The following FRMD7 variants were observed in gnomAD, a reference collection of about 807,000 sequenced individuals.
FRMD7 encodes the protein FERM domain containing 7, also known as FERM domain-containing protein 7.
FRMD7 carries 14 observed loss-of-function variants against 44.1 expected under a neutral mutation model. The ratio of observed to expected loss-of-function variants is 0.32; its 90% confidence interval spans 0.21 to 0.50. The LOEUF is 0.50. Among genes scored for constraint, FRMD7 ranks in the 20% least tolerant of loss-of-function variants. FRMD7 has a pLI of 0.99. For missense variants in FRMD7, 501 were observed against 522.3 expected (o/e 0.96, Z 0.40); for synonymous variants, 212 against 187.4 (o/e 1.13, Z -1.07).
At chrX:132,100,791 G>T in intron 1 of FRMD7, 75 bp from the exon 2 acceptor site, 1 of 711,472 alleles carries the variant, frequency 1.4e-6, no homozygotes, top group Non-Finnish European at 2.2e-6. Flanking sequence ...AAGGGTAGAA[G>T]CCACAAGACT....
At chrX:132,092,065 A>G (rs1205628562) in intron 5 of FRMD7, among the ~76,000 whole-genome samples, 2 of 111,682 alleles carry the variant, frequency 1.8e-5, no homozygotes, top group Non-Finnish European at 3.8e-5. Flanking sequence ...CCACAAGGGC[A>G]AGGATTTTTG....
chrX:132,122,231 A>G (rs746861751), intron 1 of FRMD7, among the ~76,000 whole-genome samples: 2 of 111,898 alleles, frequency 1.8e-5, no homozygotes, highest in South Asian at 7.5e-4. Flanking sequence ...CATGACAATG[A>G]TCTCATGAGG....
chrX:132,107,205 C>T (rs1158287252), intron 1 of FRMD7, among the ~76,000 whole-genome samples: 1 of 111,556 alleles, frequency 9.0e-6, no homozygotes, highest in Non-Finnish European at 1.9e-5. Flanking sequence ...GTTATATTTT[C>T]CAGAGAAATA....
intron 4 of FRMD7, among the ~76,000 whole-genome samples, chrX:132,095,025 A>G (rs1205573506): frequency 9.2e-6 from 1 of 109,220 alleles, no homozygotes; most frequent in African/African-American, 3.3e-5. Flanking sequence ...ACCACTAATT[A>G]CCTTCTTCCA....
intron 1 of FRMD7, among the ~76,000 whole-genome samples, chrX:132,102,783 T>A (rs1928538332): frequency 8.9e-6 from 1 of 112,098 alleles, no homozygotes; most frequent in Admixed American, 9.4e-5. Flanking sequence ...TTTTCCTTTC[T>A]CCTTTTCATA....
At chrX:132,095,825 T>C (rs1459169906) in intron 4 of FRMD7, among the ~76,000 whole-genome samples, 1 of 112,510 alleles carries the variant, frequency 8.9e-6, no homozygotes, top group Non-Finnish European at 1.9e-5. Context: ...TCAAATATAG[T>C]TGTCAATGAG....
At chrX:132,126,399 A>G (rs182112391) in intron 1 of FRMD7, among the ~76,000 whole-genome samples, 301 of 111,789 alleles carry the variant, frequency 2.7e-3, no homozygotes, top group Admixed American at 0.013. Flanking sequence ...AAGCCAAATC[A>G]AGTCTTCTAG....
rs1389933634 is a variant in FRMD7, at chrX:132,111,062, T to C, written c.58-10346A>G. 2.7e-5 allele frequency among the ~76,000 whole-genome samples: 3 copies of C among 111,153 alleles called. No homozygotes were observed. The East Asian group carries it at 8.5e-4, about 32-fold the overall frequency. On this transcript the variant is annotated intron_variant, in intron 1 of 11. Coordinates refer to ENST00000298542, the MANE Select transcript of FRMD7 (RefSeq NM_194277.3). The stretch of plus-strand genomic sequence containing the variant: ...AGCTGGACATGGTGGTGCATCCCTG[T>C]AGTCCCAGTGACTCAGGAGGCTGAG...
chrX:132,102,972 A>G (rs1199756031), intron 1 of FRMD7, among the ~76,000 whole-genome samples: 2 of 112,078 alleles, frequency 1.8e-5, no homozygotes, highest in African/African-American at 6.5e-5. Context: ...TGTTTATAAG[A>G]ATAATTCCCT....
chrX:132,108,160 G>T (rs1362676076), intron 1 of FRMD7, among the ~76,000 whole-genome samples: 1 of 111,848 alleles, frequency 8.9e-6, no homozygotes, highest in Non-Finnish European at 1.9e-5. Flanking sequence ...GAAAGAAAAA[G>T]TCACATATTA....
rs1929054430 is a variant in FRMD7 at position 132,122,302 on chromosome X, C to T, written c.57+5486G>A. Among the ~76,000 whole-genome samples, 3 of 112,119 alleles carry T rather than the reference C, an allele frequency of 2.7e-5. No individual in the cohort carries two copies. The Admixed American group carries it at 2.8e-4, about 11-fold the overall frequency. ...GCACATCCTCAGAGAGCTGAAGTGA[C>T]CCACCTGAAGTCTCACACCTTCAAA... On this transcript the variant is annotated intron_variant, in intron 1 of 11. Coordinates refer to ENST00000298542, the MANE Select transcript of FRMD7 (RefSeq NM_194277.3).
intron 1 of FRMD7, among the ~76,000 whole-genome samples, chrX:132,121,323 G>T (rs1022124141): frequency 3.6e-5 from 4 of 111,625 alleles, no homozygotes; most frequent in Non-Finnish European, 5.6e-5. Flanking sequence ...CTTTGGGTAA[G>T]TCAACCTCTC....
At position 132,077,661 on chromosome X, in the gene FRMD7, C is replaced by T; in HGVS notation, c.*211G>A. 2.1e-6 allele frequency: 1 copy of T among 480,537 alleles called. No homozygotes were observed. The highest frequency in any genetic ancestry group is 2.4e-5 in the African/African-American group (1 of 41,729). 39.6% of individuals were successfully genotyped at this position (480,537 alleles called of 1,213,427 possible). A position where few individuals can be genotyped will look rare whatever the true frequency, so the allele number is the denominator to read the frequency against. On this transcript the variant is annotated 3_prime_UTR_variant, in exon 12 of 12. Coordinates refer to ENST00000298542, the MANE Select transcript of FRMD7 (RefSeq NM_194277.3). ...TGCCACAGTGCTGGTGAGGAGAGGG[C>T]ATGTTCTAAAGTCCCTTCAGAGGTA...
At chrX:132,088,685 T>G (rs1222193308) in intron 5 of FRMD7, among the ~76,000 whole-genome samples, 1 of 111,811 alleles carries the variant, frequency 8.9e-6, no homozygotes, top group Admixed American at 9.5e-5. Context: ...GCAATTGTAT[T>G]TATATATACT....
At chrX:132,120,191 G>A (rs1368980207) in intron 1 of FRMD7, among the ~76,000 whole-genome samples, 1 of 112,711 alleles carries the variant, frequency 8.9e-6, no homozygotes, top group African/African-American at 3.2e-5. Flanking sequence ...TTAAAGTTAA[G>A]CCTTTATTAG....
At chrX:132,119,488 C>G (rs1038401734) in intron 1 of FRMD7, among the ~76,000 whole-genome samples, 5 of 111,562 alleles carry the variant, frequency 4.5e-5, no homozygotes, top group Non-Finnish European at 1.9e-5. Context: ...TTTAAGACAA[C>G]TAAGCCCAGC....
chrX:132,118,366 C>T (rs943992374), intron 1 of FRMD7, among the ~76,000 whole-genome samples: 2 of 109,428 alleles, frequency 1.8e-5, no homozygotes, highest in African/African-American at 3.3e-5. Context: ...AATTTAGGCA[C>T]GCAGACGCAT....
chrX:132,103,497 T>TATCTATCC (rs1556024973), intron 1 of FRMD7, among the ~76,000 whole-genome samples: 3 of 107,945 alleles, frequency 2.8e-5, no homozygotes, highest in African/African-American at 1.0e-4. Context: ...TCTATCTATC[T>TATCTATCC]ATCTATCTAT....
In FRMD7 at chrX:132,077,608, G is replaced by A; in HGVS notation, c.*264C>T. ...CAATGTCTCTATGAGGAAGTATGCA[G>A]TGGAGATGACAAATACCCACCTTGC... is the stretch of plus-strand genomic sequence containing the variant. On this transcript the variant is annotated 3_prime_UTR_variant, in exon 12 of 12. Coordinates refer to ENST00000298542, the MANE Select transcript of FRMD7 (RefSeq NM_194277.3). 1 of 380,929 alleles carries A rather than the reference G, an allele frequency of 2.6e-6. No homozygotes were observed. The highest frequency in any genetic ancestry group is 4.6e-6 in the Non-Finnish European group (1 of 216,496). 31.4% of individuals were successfully genotyped at this position (380,929 alleles called of 1,213,427 possible).
Sources: allele counts gnomAD v4.1 joint callset (sites outside exome capture counted in the v4.1 genomes callset), GRCh38; gene constraint gnomAD v4.1.1; transcripts MANE v1.5; gene names NCBI Gene and HGNC (gene_info 2026-07-23, HGNC 2026-07-21).